GAS2: variants seen among roughly 807,000 people sequenced by gnomAD.
GAS2 encodes the protein growth arrest-specific protein 2.
A neutral mutation model predicts 37.5 loss-of-function variants in GAS2; 20 were observed. The observed-to-expected ratio is 0.53, with a 90% CI of 0.37 to 0.77. GAS2 has a LOEUF of 0.77. Ranked by LOEUF, GAS2 falls within the 30% of genes least tolerant of loss-of-function variation. The probability of loss-of-function intolerance (pLI) is 0.00; values close to 1 mark genes in which losing one functional copy is unlikely to be tolerated. For synonymous variants in GAS2, 144 were observed against 132.2 expected, an observed-to-expected ratio of 1.09 and a Z score of -0.61; for missense variants, 336 against 373.4, an observed-to-expected ratio of 0.90 and a Z score of 0.82.
intron 2 of GAS2, among the ~76,000 whole-genome samples, chr11:22,681,261 G>A (rs572816377): frequency 3.9e-5 from 6 of 152,032 alleles, no homozygotes; most frequent in Non-Finnish European, 7.4e-5. Context: ...TGATGTGTAT[G>A]TGTATGCATG....
Position 22,749,191 on chromosome 11 carries a change from C to T in GAS2, c.545C>T (p.Pro182Leu), listed in dbSNP as rs775945879. Residue 182 changes from proline to leucine, a missense_variant, in exon 6 of 8, where the codon CCT becomes CTT. Transcript: ENST00000454584. Reference protein sequence around the residue: ...EIEQEETLSAPSPSPSPSSKS... With the variant: ...EIEQEETLSALSPSPSPSSKS... Reference sequence around the variant, plus strand: ...GAACAAGAAGAAACACTTTCTGCCCCTTCTCCTTCACCTTCTCCTTCATCA... The same window carrying T: ...GAACAAGAAGAAACACTTTCTGCCCTTTCTCCTTCACCTTCTCCTTCATCA... 1.2e-6 allele frequency: 2 copies of T among 1,612,552 alleles called. No individual in the cohort carries two copies. The highest frequency in any genetic ancestry group is 1.7e-6 in the Non-Finnish European group (2 of 1,179,140).
At chr11:22,766,108 C>G (rs1259618425) in intron 7 of GAS2, among the ~76,000 whole-genome samples, 1 of 151,864 alleles carries the variant, frequency 6.6e-6, no homozygotes, top group Non-Finnish European at 1.5e-5. Flanking sequence ...CCACCATGCC[C>G]CACCTTCAAC....
chr11:22,726,836 C>T (rs952711703), intron 4 of GAS2, among the ~76,000 whole-genome samples: 4 of 152,070 alleles, frequency 2.6e-5, no homozygotes, highest in African/African-American at 9.7e-5. Flanking sequence ...CTTTTCACCT[C>T]TACAACAGTA....
chr11:22,763,065 G>A (rs1261121832), intron 7 of GAS2, among the ~76,000 whole-genome samples: 2 of 152,150 alleles, frequency 1.3e-5, no homozygotes, highest in African/African-American at 4.8e-5. Flanking sequence ...GAGTACTTGA[G>A]GGGCCTAAAG....
chr11:22,670,869 C>T (rs906170565), intron 1 of GAS2, among the ~76,000 whole-genome samples: 4 of 152,026 alleles, frequency 2.6e-5, no homozygotes, highest in Admixed American at 6.6e-5. Context: ...ATCTCATAGC[C>T]GACAGAAGTG....
At chr11:22,714,577 C>A (rs141680397) in intron 3 of GAS2, among the ~76,000 whole-genome samples, 2 of 152,238 alleles carry the variant, frequency 1.3e-5, no homozygotes, top group South Asian at 2.1e-4. Flanking sequence ...AATAAAGATT[C>A]TTTTCTTCAA....
intron 3 of GAS2, among the ~76,000 whole-genome samples, chr11:22,690,354 T>TGGAA (rs1850181662): frequency 1.3e-5 from 2 of 152,216 alleles, no homozygotes; most frequent in Non-Finnish European, 2.9e-5. Context: ...AATTCTGTCC[T>TGGAA]ATGATTCTTT....
intron 3 of GAS2, among the ~76,000 whole-genome samples, chr11:22,703,289 G>T (rs1850939311): frequency 6.6e-6 from 1 of 152,098 alleles, no homozygotes; most frequent in Non-Finnish European, 1.5e-5. Flanking sequence ...ATTGTAAAAG[G>T]AGTCTAACTG....
intron 3 of GAS2, among the ~76,000 whole-genome samples, chr11:22,708,391 G>A (rs541123988): frequency 1.3e-5 from 2 of 152,030 alleles, no homozygotes; most frequent in Non-Finnish European, 2.9e-5. Flanking sequence ...TAACAAACAT[G>A]CACTTAAATT....
intron 3 of GAS2, among the ~76,000 whole-genome samples, chr11:22,720,989 G>A (rs1851921112): frequency 6.6e-6 from 1 of 151,910 alleles, no homozygotes; most frequent in Non-Finnish European, 1.5e-5. Context: ...GGCATTGGTG[G>A]GCTATCATGG....
chr11:22,780,544 C>G (rs934551645), intron 7 of GAS2, among the ~76,000 whole-genome samples: 2 of 96,482 alleles, frequency 2.1e-5, no homozygotes, highest in African/African-American at 8.2e-5. Flanking sequence ...GGCAACAGAG[C>G]AAGACTCTGT....
At chr11:22,636,147 T>C (rs1858818465) in intron 1 of GAS2, among the ~76,000 whole-genome samples, 1 of 152,214 alleles carries the variant, frequency 6.6e-6, no homozygotes, top group Non-Finnish European at 1.5e-5. Flanking sequence ...GTTAAATTCC[T>C]GTGTTGCTTC....
intron 1 of GAS2, 64 bp from the exon 2 acceptor site, chr11:22,674,786 T>C (rs1849349389): frequency 2.3e-6 from 3 of 1,294,516 alleles, no homozygotes; most frequent in East Asian, 2.4e-5. Context: ...TATAATGTCA[T>C]GATGACAACA....
intron 5 of GAS2, among the ~76,000 whole-genome samples, chr11:22,740,696 TA>T (rs1853027981): frequency 6.6e-6 from 1 of 152,214 alleles, no homozygotes; most frequent in Non-Finnish European, 1.5e-5. Context: ...TGTTGAAGCA[TA>T]ATTAGTTGAA....
intron 7 of GAS2, among the ~76,000 whole-genome samples, chr11:22,758,319 T>C (rs1038266326): frequency 5.9e-5 from 9 of 152,194 alleles, no homozygotes; most frequent in Non-Finnish European, 1.5e-5. Flanking sequence ...ATCTTTCACA[T>C]GGGCGTATTT....
At chr11:22,770,036 C>G (rs1854896804) in intron 7 of GAS2, among the ~76,000 whole-genome samples, 1 of 152,160 alleles carries the variant, frequency 6.6e-6, no homozygotes, top group Non-Finnish European at 1.5e-5. Context: ...CCTCAGCAAA[C>G]TAACACAGGA....
intron 2 of GAS2, among the ~76,000 whole-genome samples, chr11:22,679,203 C>A (rs1317900387): frequency 3.3e-5 from 5 of 152,028 alleles, no homozygotes; most frequent in African/African-American, 1.2e-4. Flanking sequence ...CACCATGGAG[C>A]AGTTTTGTGA....
chr11:22,669,124 A>G (rs1298999682), intron 1 of GAS2, among the ~76,000 whole-genome samples: 1 of 152,190 alleles, frequency 6.6e-6, no homozygotes, highest in Non-Finnish European at 1.5e-5. Context: ...AGAATGTAGA[A>G]CCCTGCTGGT....
chr11:22,732,913 A>G (rs1852554338), intron 4 of GAS2, among the ~76,000 whole-genome samples: 1 of 151,684 alleles, frequency 6.6e-6, no homozygotes, highest in Admixed American at 6.6e-5. Flanking sequence ...TATAACTACT[A>G]TTTATTATTA....
Sources: allele counts gnomAD v4.1 joint callset (sites outside exome capture counted in the v4.1 genomes callset), GRCh38; gene constraint gnomAD v4.1.1; transcripts MANE v1.5; gene names NCBI Gene and HGNC (gene_info 2026-07-23, HGNC 2026-07-21).